UNC13B: variants seen among roughly 807,000 people sequenced by gnomAD.
UNC13B encodes unc-13 homolog B.
Under a neutral mutation model 211.0 loss-of-function variants are expected in UNC13B, and 144 were observed. The ratio of observed to expected loss-of-function variants is 0.68; its 90% CI spans 0.60 to 0.78. The LOEUF (loss-of-function observed/expected upper bound fraction) is 0.78. Ranked by LOEUF, UNC13B falls within the 30% of genes least tolerant of loss-of-function variation. The probability of loss-of-function intolerance (pLI) is 0.00; values close to 1 mark genes in which losing one functional copy is unlikely to be tolerated. For synonymous variants in UNC13B, 709 were observed against 725.8 expected, an observed-to-expected ratio of 0.98 and a Z score of 0.37; for missense variants, 1,777 against 2,002.0, an observed-to-expected ratio of 0.89 and a Z score of 2.14.
chr9:35,306,737 G>A lies in UNC13B; in HGVS notation c.7333G>A (p.Glu2445Lys), dbSNP rs554465857. 2 of 398,926 alleles carry A rather than the reference G, an allele frequency of 5.0e-6. No homozygotes were observed. Among genetic ancestry groups the A allele is most frequent in the Admixed American group, 8.8e-5 (2 of 22,718 alleles). The allele number at this position is 398,926 out of a possible 1,614,324, so 24.7% of individuals were successfully genotyped here. Residue 2445 changes from glutamate (E) to lysine (K), a missense_variant, in exon 9 of 40, where the codon GAG (glutamate) becomes AAG (lysine). By Grantham distance (56) the Glu-to-Lys change is moderately conservative. Transcript: ENST00000635942. ...GNLQNQDADK[E>K]EDKFALGSSV... ...CCTTCAGAACCAAGATGCAGATAAA[G>A]AGGAAGACAAATTTGCATTAGGCTC... is the stretch of plus-strand genomic sequence containing the variant.
intron 3 of UNC13B, among the ~76,000 whole-genome samples, chr9:35,231,634 T>C (rs1825209217): frequency 6.6e-6 from 1 of 152,212 alleles, no homozygotes; most frequent in African/African-American, 2.4e-5. Context: ...TGTGAGAGAC[T>C]GTATCTTCAT....
chr9:35,369,038 T>A (rs1361022613), intron 12 of UNC13B, among the ~76,000 whole-genome samples: 2 of 152,238 alleles, frequency 1.3e-5, no homozygotes, highest in African/African-American at 4.8e-5. Flanking sequence ...TTCACCTTCG[T>A]CCTTAGAAGC....
At chr9:35,375,066 TC>T (rs1042991937) in intron 13 of UNC13B, 60 bp from the exon 14 acceptor site, 18 of 1,581,286 alleles carry the variant, frequency 1.1e-5, no homozygotes, top group Non-Finnish European at 1.6e-5. Flanking sequence ...TGAAGCTCCC[TC>T]CCCCAGACTT....
intron 6 of UNC13B, among the ~76,000 whole-genome samples, chr9:35,252,944 AT>A (rs973748486): frequency 1.2e-4 from 18 of 144,506 alleles, no homozygotes; most frequent in Non-Finnish European, 2.5e-4. Flanking sequence ...GAAAAAAAAA[AT>A]TTTTTTTCTG....
chr9:35,392,609 A>G (rs1032234264), intron 26 of UNC13B, among the ~76,000 whole-genome samples: 46 of 130,520 alleles, frequency 3.5e-4, no homozygotes, highest in African/African-American at 1.3e-3. Flanking sequence ...ACATGGACAC[A>G]GGAAGGGGAA....
intron 1 of UNC13B, among the ~76,000 whole-genome samples, chr9:35,197,901 T>A (rs1010607520): frequency 2.0e-5 from 3 of 152,186 alleles, no homozygotes; most frequent in Non-Finnish European, 2.9e-5. Flanking sequence ...ACCTCTTTTT[T>A]AAATAAATTA....
intron 1 of UNC13B, among the ~76,000 whole-genome samples, chr9:35,220,268 A>G (rs1824499813): frequency 6.8e-6 from 1 of 146,724 alleles, no homozygotes; most frequent in African/African-American, 2.4e-5. Flanking sequence ...CACCTCAACC[A>G]TTTATCCTTT....
intron 7 of UNC13B, among the ~76,000 whole-genome samples, chr9:35,280,291 G>A (rs1177727447): frequency 6.6e-6 from 1 of 152,130 alleles, no homozygotes; most frequent in Non-Finnish European, 1.5e-5. Context: ...TTCCTAGTAG[G>A]ATAAATGAAA....
chr9:35,367,314 A>G (rs528721440), intron 12 of UNC13B, among the ~76,000 whole-genome samples: 1 of 152,346 alleles, frequency 6.6e-6, no homozygotes, highest in African/African-American at 2.4e-5. Context: ...CAAAGAGGAA[A>G]TTAGAAAAAT....
chr9:35,261,697 C>G (rs1827283446), intron 7 of UNC13B, among the ~76,000 whole-genome samples: 1 of 152,058 alleles, frequency 6.6e-6, no homozygotes, highest in Non-Finnish European at 1.5e-5. Context: ...ATTGTGCTAG[C>G]AAATACTAGA....
intron 11 of UNC13B, among the ~76,000 whole-genome samples, chr9:35,329,900 C>T (rs890135791): frequency 2.0e-5 from 3 of 152,128 alleles, no homozygotes; most frequent in Non-Finnish European, 4.4e-5. Flanking sequence ...CAGTATTTCT[C>T]GCCTGTCAAT....
rs780236467 is a variant in UNC13B, at chr9:35,378,443, C to G, written c.10205+7C>G. The G allele has an allele frequency of 6.2e-7, 1 of 1,614,070 alleles. No individual in the cohort carries two copies. Among genetic ancestry groups the G allele is most frequent in the Non-Finnish European group, 8.5e-7 (1 of 1,179,990 alleles). ...GGGAGGAGAAGTTCCATTTGTAAGTCACAGAGAGCTTTGTCTTACCTGGGA... is the reference window on the plus strand; with the variant it reads ...GGGAGGAGAAGTTCCATTTGTAAGTGACAGAGAGCTTTGTCTTACCTGGGA... On this transcript the variant is annotated splice_region_variant and intron_variant, in intron 17 of 39. Coordinates refer to ENST00000635942, the MANE Select transcript of UNC13B (RefSeq NM_001371189.2).
At position 35,246,877 on chromosome 9, in the gene UNC13B, A is replaced by G. The variant is rs560199628; in HGVS notation, c.468+3513A>G. Reference sequence around the variant, plus strand: ...ATGAACTTTAAAGTAGTTTTTTCCAATTCTGTGAAGAAAGTCATTGGTAGC... The same window carrying G: ...ATGAACTTTAAAGTAGTTTTTTCCAGTTCTGTGAAGAAAGTCATTGGTAGC... On this transcript the variant is annotated intron_variant, in intron 6 of 39. Transcript: ENST00000635942. 3.3e-5 allele frequency among the ~76,000 whole-genome samples: 5 copies of G among 152,246 alleles called. No homozygotes were observed. The South Asian group carries it at 1.0e-3, about 32-fold the overall frequency.
chr9:35,216,493 A>G (rs780912109), intron 1 of UNC13B, among the ~76,000 whole-genome samples: 1 of 152,202 alleles, frequency 6.6e-6, no homozygotes. Flanking sequence ...AGAAATGGCA[A>G]TGGGAACATA....
At chr9:35,390,606 C>T (rs771258421) in intron 25 of UNC13B, 23 bp from the exon 26 acceptor site, 7 of 1,612,152 alleles carry the variant, frequency 4.3e-6, no homozygotes, top group African/African-American at 1.3e-5. Flanking sequence ...TATTCTCTGA[C>T]TGTGGTTTCT....
At chr9:35,238,692 A>G (rs890647146) in intron 5 of UNC13B, among the ~76,000 whole-genome samples, 10 of 151,792 alleles carry the variant, frequency 6.6e-5, no homozygotes, top group Non-Finnish European at 1.2e-4. Flanking sequence ...AGTCACTGAG[A>G]TTACAGGCTT....
rs1477051817 is a variant in UNC13B, at chr9:35,306,326, G to A, written c.6922G>A (p.Glu2308Lys). 1.3e-5 allele frequency: 5 copies of A among 398,830 alleles called. No individual in the cohort carries two copies. Among genetic ancestry groups the A allele is most frequent in the African/African-American group, 2.1e-5 (1 of 48,594 alleles). 24.7% of individuals were successfully genotyped at this position (398,830 alleles called of 1,614,324 possible). A position where few individuals can be genotyped will look rare whatever the true frequency, so the allele number is the denominator to read the frequency against. The change falls in exon 9 of 40, where the codon GAA becomes AAA. Residue 2308 changes from glutamate to lysine, a missense_variant. Physicochemically the swap from Glu to Lys is moderately conservative, Grantham distance 56 (BLOSUM62 1). Coordinates refer to ENST00000635942, the MANE Select transcript of UNC13B (RefSeq NM_001371189.2). The stretch of plus-strand genomic sequence containing the variant: ...GCTCAGTGTAGACAAGGACTGTCAG[G>A]AAAAACTGAGTTCCAATATTGTACC... The part of the protein sequence containing the change: ...DELSVDKDCQ[E>K]KLSSNIVPGT...
chr9:35,329,732 G>GC (rs1831260954), intron 11 of UNC13B, among the ~76,000 whole-genome samples: 1 of 152,030 alleles, frequency 6.6e-6, no homozygotes. Flanking sequence ...CAAACAATCT[G>GC]CCCCCCTTGG....
chr9:35,182,770 A>G (rs1822012670), intron 1 of UNC13B, among the ~76,000 whole-genome samples: 1 of 152,202 alleles, frequency 6.6e-6, no homozygotes, highest in South Asian at 2.1e-4. Flanking sequence ...CACATGTTTC[A>G]GAGAGCACTG....
Sources: gnomAD v4.1 joint callset for allele counts (sites outside exome capture counted in the v4.1 genomes callset) on GRCh38, gnomAD v4.1.1 for gene constraint, MANE v1.5 for transcripts, NCBI Gene and HGNC (gene_info 2026-07-23, HGNC 2026-07-21) for gene names.